Variants in ZDHHC3 observed in about 807,000 individuals in gnomAD.
ZDHHC3 encodes zDHHC palmitoyltransferase 3.
A neutral mutation model predicts 30.6 loss-of-function variants in ZDHHC3; 9 were observed. The observed-to-expected ratio is 0.29, with a 90% CI of 0.18 to 0.51. ZDHHC3 has a LOEUF of 0.51. ZDHHC3 is among the 20% of genes least tolerant of loss of function. ZDHHC3 has a pLI of 0.97. For missense variants in ZDHHC3, 246 were observed against 384.2 expected, an observed-to-expected ratio of 0.64 and a Z score of 3.01; for synonymous variants, 136 against 140.2, an observed-to-expected ratio of 0.97 and a Z score of 0.21.
In ZDHHC3 at chr3:44,924,503, C is replaced by T. The variant is rs1700831912; in HGVS notation, c.*2186G>A. 1 of 985,292 alleles carries T rather than the reference C, an allele frequency of 1.0e-6. No homozygotes were observed. Among genetic ancestry groups the T allele is most frequent in the Admixed American group, 6.1e-5 (1 of 16,268 alleles). 61.0% of individuals were successfully genotyped at this position (985,292 alleles called of 1,614,324 possible). ...ATAGGATATCTGAAGGAACCCCACT[C>T]TATTGGAAAGATAAGCATAGTATGC... On this transcript the variant is annotated 3_prime_UTR_variant, in exon 7 of 7. Transcript: ENST00000424952.
In ZDHHC3 at chr3:44,925,305, T is replaced by A. The variant is rs1700891373; in HGVS notation, c.*1384A>T. On this transcript the variant is annotated 3_prime_UTR_variant, in exon 7 of 7. Coordinates refer to ENST00000424952, the MANE Select transcript of ZDHHC3 (RefSeq NM_001135179.2). ...ACTTTCGCCCTACCCAGGACAGGATTGAATAAACCTTAACTCCTACCCCCA... is the reference window on the plus strand; with the variant it reads ...ACTTTCGCCCTACCCAGGACAGGATAGAATAAACCTTAACTCCTACCCCCA... 2.0e-6 allele frequency: 2 copies of A among 985,862 alleles called. No homozygotes were observed. Among genetic ancestry groups the A allele is most frequent in the Non-Finnish European group, 2.4e-6 (2 of 829,928 alleles). The allele number at this position is 985,862 out of a possible 1,614,324, so 61.1% of individuals were successfully genotyped here. A position where few individuals can be genotyped will look rare whatever the true frequency, so the allele number is the denominator to read the frequency against.
intron 2 of ZDHHC3, among the ~76,000 whole-genome samples, chr3:44,946,124 T>C (rs1702911973): frequency 6.6e-6 from 1 of 152,214 alleles, no homozygotes; most frequent in South Asian, 2.1e-4. Flanking sequence ...GGGATTAAGT[T>C]TTACTTTTAC....
In ZDHHC3 at chr3:44,922,251, G is replaced by A. The variant is rs1483669512; in HGVS notation, c.*4438C>T. On this transcript the variant is annotated 3_prime_UTR_variant, in exon 7 of 7. Transcript: ENST00000424952. ...AAAGCAAAGGTCAAGACGTGTTCAG[G>A]TCATGTATCCAGGCTGCTACAATGC... The A allele has an allele frequency of 2.0e-6, 2 of 985,452 alleles. No homozygotes were observed. The highest frequency in any genetic ancestry group is 2.4e-6 in the Non-Finnish European group (2 of 829,934). The allele number at this position is 985,452 out of a possible 1,614,324, so 61.0% of individuals were successfully genotyped here.
chr3:44,945,326 T>TG (rs765503225), intron 2 of ZDHHC3, 34 bp from the exon 3 acceptor site: 6 of 1,613,684 alleles, frequency 3.7e-6, no homozygotes, highest in Non-Finnish European at 5.1e-6. Flanking sequence ...AGGGTTGGGC[T>TG]GGGGGTTCTA....
chr3:44,954,678 T>C (rs1703771891), intron 2 of ZDHHC3, among the ~76,000 whole-genome samples: 1 of 152,198 alleles, frequency 6.6e-6, no homozygotes, highest in Admixed American at 6.5e-5. Flanking sequence ...GGCAAAAATA[T>C]ACTGATCATA....
rs751310514 is a variant in ZDHHC3 at position 44,945,131 on chromosome 3, G to C, written c.431+37C>G. ...GGCGGGGATGGAGGGAGGCAGGACAGTGGGAGAAGAGAGGAGGCGAGCCCC... is the reference window on the plus strand; with the variant it reads ...GGCGGGGATGGAGGGAGGCAGGACACTGGGAGAAGAGAGGAGGCGAGCCCC... On this transcript the variant is annotated intron_variant, in intron 3 of 6. Coordinates refer to ENST00000424952, the MANE Select transcript of ZDHHC3 (RefSeq NM_001135179.2). 3 of 1,612,940 alleles carry C rather than the reference G, an allele frequency of 1.9e-6. No individual in the cohort carries two copies. In the South Asian group the frequency reaches 3.3e-5, roughly 18 times the overall value.
At chr3:44,968,436 G>A (rs1025582545) in intron 1 of ZDHHC3, among the ~76,000 whole-genome samples, 3 of 152,136 alleles carry the variant, frequency 2.0e-5, no homozygotes, top group African/African-American at 2.4e-5. Flanking sequence ...GGTGGCTCCC[G>A]CCTGTAAGGA....
chr3:44,969,846 G>A (rs575551062), intron 1 of ZDHHC3: 1 of 152,336 alleles, frequency 6.6e-6, no homozygotes, highest in South Asian at 2.1e-4. Context: ...AATCTGCTTT[G>A]GCTGGGAAAT....
chr3:44,927,114 G>A (rs1224672841), intron 6 of ZDHHC3, among the ~76,000 whole-genome samples: 2 of 152,184 alleles, frequency 1.3e-5, no homozygotes, highest in African/African-American at 4.8e-5. Flanking sequence ...AGTATGCCAG[G>A]CCGGGGTGTG....
At chr3:44,955,039 C>G (rs1703808813) in intron 2 of ZDHHC3, among the ~76,000 whole-genome samples, 1 of 152,150 alleles carries the variant, frequency 6.6e-6, no homozygotes, top group Non-Finnish European at 1.5e-5. Flanking sequence ...CCTATAATGA[C>G]ATTACACAAC....
intron 1 of ZDHHC3, among the ~76,000 whole-genome samples, chr3:44,960,855 T>TC (rs1395722380): frequency 3.9e-5 from 6 of 152,314 alleles, no homozygotes; most frequent in African/African-American, 1.2e-4. Flanking sequence ...TAAGGACATG[T>TC]CCAAAAAGCT....
intron 2 of ZDHHC3, among the ~76,000 whole-genome samples, chr3:44,957,369 C>A (rs780254475): frequency 6.6e-6 from 1 of 152,226 alleles, no homozygotes; most frequent in Non-Finnish European, 1.5e-5. Flanking sequence ...AGAATGGGCA[C>A]TCAGGAAACA....
chr3:44,958,523 C>A (rs902830825), intron 2 of ZDHHC3: 21 of 1,394,656 alleles, frequency 1.5e-5, no homozygotes, highest in Non-Finnish European at 2.1e-5. Context: ...TAGCCACGTG[C>A]GCAGCTTGGC....
chr3:44,975,879 G>A, intron 1 of ZDHHC3, 54 bp downstream of exon 1: 1 of 186,184 alleles, frequency 5.4e-6, no homozygotes, highest in Non-Finnish European at 1.1e-5. Flanking sequence ...GGCCCGTGAG[G>A]CTCGCCTCAC....
intron 2 of ZDHHC3, among the ~76,000 whole-genome samples, chr3:44,950,072 C>A (rs757027206): frequency 6.6e-6 from 1 of 152,102 alleles, no homozygotes; most frequent in Admixed American, 6.5e-5. Context: ...TGGACTCAAG[C>A]GATCCTCCTG....
chr3:44,920,398 C>G lies in ZDHHC3; in HGVS notation c.*6291G>C. 2.3e-6 allele frequency: 3 copies of G among 1,279,048 alleles called. No individual in the cohort carries two copies. Among genetic ancestry groups the G allele is most frequent in the Non-Finnish European group, 3.1e-6 (3 of 980,196 alleles). 79.2% of individuals were successfully genotyped at this position (1,279,048 alleles called of 1,614,324 possible). ...AGCTGGGACATCACCATATGGCAGA[C>G]CCGGCTACAGAGGAAACACCCAAAA... On this transcript the variant is annotated 3_prime_UTR_variant, in exon 7 of 7. Transcript: ENST00000424952.
intron 2 of ZDHHC3, among the ~76,000 whole-genome samples, chr3:44,947,797 C>T (rs1703080971): frequency 6.6e-6 from 1 of 152,212 alleles, no homozygotes; most frequent in Non-Finnish European, 1.5e-5. Context: ...ATTGGGTCTA[C>T]CTTGATCAGC....
rs1479428372 is a variant in ZDHHC3, at chr3:44,959,214, A to G, written c.223T>C (p.Tyr75His). 1 of 1,614,260 alleles carries G rather than the reference A, an allele frequency of 6.2e-7. No homozygotes were observed. Among genetic ancestry groups the G allele is most frequent in the Non-Finnish European group, 8.5e-7 (1 of 1,180,044 alleles). The stretch of plus-strand genomic sequence containing the variant: ...AACACAATTCCGTTGATGATGCTAT[A>G]CACGTAGTCTCGAGATGGAATCAGC... ...VMLIPSRDYV[Y>H]SIINGIVFNL... Residue 75 changes from tyrosine (Y) to histidine (H), a missense_variant, in exon 2 of 7, where the codon TAT (tyrosine) becomes CAT (histidine). Coordinates refer to ENST00000424952, the MANE Select transcript of ZDHHC3 (RefSeq NM_001135179.2). The surrounding 1 kb of genome is among the most constrained non-coding windows in gnomAD (Gnocchi z 4.3).
intron 3 of ZDHHC3, 114 bp downstream of exon 3, chr3:44,945,054 G>A: frequency 6.8e-7 from 1 of 1,472,780 alleles, no homozygotes; most frequent in Non-Finnish European, 9.3e-7. Flanking sequence ...GAATCCCGAT[G>A]CTGACTTGGC....
Sources: allele counts gnomAD v4.1 joint callset (sites outside exome capture counted in the v4.1 genomes callset), GRCh38; gene constraint gnomAD v4.1.1; non-coding constraint Gnocchi (gnomAD v3.1); transcripts MANE v1.5; gene names NCBI Gene and HGNC (gene_info 2026-07-23, HGNC 2026-07-21).